Variants in CDH23 observed in about 807,000 individuals in gnomAD.
The protein encoded by CDH23 is cadherin related 23, also known as cadherin-23.
CDH23 carries 189 observed loss-of-function variants against 317.1 expected under a neutral mutation model. The ratio of observed to expected loss-of-function variants is 0.60; its 90% CI spans 0.53 to 0.67. CDH23 has a LOEUF of 0.67. Ranked by LOEUF, CDH23 falls within the 30% of genes least tolerant of loss-of-function variation. The pLI is 0.00. For missense variants in CDH23, 4,401 were observed against 4,592.4 expected, an observed-to-expected ratio of 0.96 and a Z score of 1.20; for synonymous variants, 1,839 against 1,876.8, an observed-to-expected ratio of 0.98 and a Z score of 0.52.
At chr10:71,724,231 G>T in intron 29 of CDH23, 126 bp downstream of exon 29, 1 of 943,512 alleles carries the variant, frequency 1.1e-6, no homozygotes, top group Non-Finnish European at 1.6e-6. Flanking sequence ...CATGGGGCGA[G>T]GCCAGAGGGA....
chr10:71,768,235 A>G (rs566270362), intron 38 of CDH23, among the ~76,000 whole-genome samples: 1 of 152,138 alleles, frequency 6.6e-6, no homozygotes, highest in African/African-American at 2.4e-5. Context: ...CAGTGGTGCA[A>G]TCTCAGCTCA....
At chr10:71,519,774 T>A (rs1419488852) in intron 6 of CDH23, among the ~76,000 whole-genome samples, 1 of 152,044 alleles carries the variant, frequency 6.6e-6, no homozygotes, top group Non-Finnish European at 1.5e-5. Context: ...TTTTTTCTTT[T>A]CTTTTTCTTT....
rs764244626 is a variant in CDH23 at position 71,677,594 on chromosome 10, G to T, written c.1653G>T (p.Val551=). 1.2e-6 allele frequency: 2 copies of T among 1,608,438 alleles called. No individual in the cohort carries two copies. Among genetic ancestry groups the T allele is most frequent in the Non-Finnish European group, 1.7e-6 (2 of 1,177,782 alleles). The part of the protein sequence containing the change: ...EETTGRVRIN[V]LDVNDNVPTF... ...CCACAGGCCGGGTCAGGATCAATGT[G>T]TTGGATGTCAACGACAACGTGCCCA... The change falls in exon 16 of 70, where the codon GTG becomes GTT. Residue 551 remains valine (V), a synonymous_variant. Transcript: ENST00000224721.
rs1866454649 is a variant in CDH23, at chr10:71,719,635, C to G, written c.3370-4410C>G. 2 of 152,944 alleles carry G rather than the reference C, an allele frequency of 1.3e-5. 1 individual carries two copies. The highest frequency in any genetic ancestry group is 4.1e-4 in the South Asian group (2 of 4,842). The allele number at this position is 152,944 out of a possible 1,614,324, so 9.5% of individuals were successfully genotyped here. A position where few individuals can be genotyped will look rare whatever the true frequency, so the allele number is the denominator to read the frequency against. On this transcript the variant is annotated intron_variant, in intron 28 of 69. Coordinates refer to ENST00000224721, the MANE Select transcript of CDH23 (RefSeq NM_022124.6). The stretch of plus-strand genomic sequence containing the variant: ...GTCCCCCAAGCACTGACCTCAGAGC[C>G]AGACCCCAGCCGTCCGGAGCTCCGT...
chr10:71,732,735 CCTT>C (rs1201055347), intron 32 of CDH23: 3 of 1,154,042 alleles, frequency 2.6e-6, no homozygotes, highest in Non-Finnish European at 3.2e-6. Context: ...AGGCTGGTAT[CCTT>C]CTGTTTTTCC....
chr10:71,483,474 A>C (rs1289228811), intron 3 of CDH23, among the ~76,000 whole-genome samples: 2 of 151,872 alleles, frequency 1.3e-5, no homozygotes, highest in Non-Finnish European at 2.9e-5. Context: ...CTTGCTCCTC[A>C]CTTTGCCAGT....
intron 3 of CDH23, among the ~76,000 whole-genome samples, chr10:71,455,842 T>C (rs1850669102): frequency 6.6e-6 from 1 of 152,182 alleles, no homozygotes. Flanking sequence ...GTGACCACTT[T>C]GTTAGACAAA....
intron 9 of CDH23, 33 bp downstream of exon 9, chr10:71,578,025 C>A (rs1217583889): frequency 6.4e-7 from 1 of 1,553,308 alleles, no homozygotes; most frequent in South Asian, 1.2e-5. Context: ...TCTCCTCTCA[C>A]CCCTCTGTCC....
At chr10:71,736,203 A>C (rs1240839582) in intron 34 of CDH23, among the ~76,000 whole-genome samples, 1 of 152,204 alleles carries the variant, frequency 6.6e-6, no homozygotes, top group Non-Finnish European at 1.5e-5. Context: ...TCCGGTTAGC[A>C]GGGCCCACCC....
At chr10:71,434,218 C>G (rs796193185) in intron 1 of CDH23, among the ~76,000 whole-genome samples, 3 of 152,346 alleles carry the variant, frequency 2.0e-5, no homozygotes, top group Admixed American at 2.0e-4. Flanking sequence ...TGTCACCTCC[C>G]CAGTGACCCT....
chr10:71,717,681 T>A (rs998396489), intron 28 of CDH23: 6 of 152,146 alleles, frequency 3.9e-5, no homozygotes, highest in Non-Finnish European at 5.9e-5. Context: ...CTCAAGGAAG[T>A]GGAGGGGCCT....
At chr10:71,639,518 G>A (rs1862434261) in intron 11 of CDH23, among the ~76,000 whole-genome samples, 2 of 152,322 alleles carry the variant, frequency 1.3e-5, no homozygotes, top group South Asian at 4.1e-4. Context: ...CGCACTTGGA[G>A]CAGCGTTCTG....
chr10:71,479,037 G>C (rs1851934733), intron 3 of CDH23, among the ~76,000 whole-genome samples: 2 of 152,122 alleles, frequency 1.3e-5, no homozygotes, highest in Non-Finnish European at 2.9e-5. Flanking sequence ...TTCAAGGAGG[G>C]GACTTCCACG....
In CDH23 at chr10:71,797,109, G is replaced by C. The variant is rs727504694; in HGVS notation, c.6718G>C (p.Val2240Leu). Reference protein sequence around the residue: ...AFAVNINTGSVMVKSPMNREL... With the variant: ...AFAVNINTGSLMVKSPMNREL... ...TGGCCTGGTCTGGTCCACAGGATCT[G>C]TAATGGTGAAGTCCCCCATGAATCG... The change falls in exon 49 of 70, where the codon GTA becomes CTA. Residue 2240 changes from valine to leucine, a missense_variant. Coordinates refer to ENST00000224721, the MANE Select transcript of CDH23 (RefSeq NM_022124.6). 1.2e-6 allele frequency: 2 copies of C among 1,609,744 alleles called. No homozygotes were observed. Among genetic ancestry groups the C allele is most frequent in the East Asian group, 2.2e-5 (1 of 44,844 alleles).
chr10:71,578,731 T>C (rs1010852469), intron 9 of CDH23, among the ~76,000 whole-genome samples: 49 of 152,080 alleles, frequency 3.2e-4, no homozygotes, highest in Middle Eastern at 3.2e-3. Context: ...CCCCCATACA[T>C]GCCATACACA....
chr10:71,798,452 A>G lies in CDH23; in HGVS notation c.6928A>G (p.Thr2310Ala), dbSNP rs1359579730. ...CATGGAGCGGATCCTGGAGGGGGCC[A>G]CCCCTGGGACCACACTCATTGCTGT... ...YYMERILEGA[T>A]PGTTLIAVAA... The change falls in exon 50 of 70, where the codon ACC becomes GCC. Residue 2310 changes from threonine (T) to alanine (A), a missense_variant. Physicochemically the swap from Thr to Ala is moderately conservative, Grantham distance 58. This residue lies in a region of CDH23 where 3,068 missense variants were observed against 3,203.3 expected (regional missense o/e 0.96). Coordinates refer to ENST00000224721, the MANE Select transcript of CDH23 (RefSeq NM_022124.6). 1.9e-6 allele frequency: 3 copies of G among 1,613,744 alleles called. No individual in the cohort carries two copies. The highest frequency in any genetic ancestry group is 3.3e-5 in the Admixed American group (2 of 60,002).
At chr10:71,799,055 A>G in intron 50 of CDH23, 56 bp from the exon 51 acceptor site, 2 of 1,527,638 alleles carry the variant, frequency 1.3e-6, no homozygotes, top group Non-Finnish European at 9.0e-7. Flanking sequence ...CATACTTTGG[A>G]GAGCTGCCAT....
intron 41 of CDH23, among the ~76,000 whole-genome samples, chr10:71,780,970 C>T (rs1455891182): frequency 1.3e-5 from 2 of 152,138 alleles, no homozygotes; most frequent in Non-Finnish European, 2.9e-5. Context: ...GCGTGAGCAA[C>T]CCAAAAGATG....
rs543394829 is a variant in CDH23, at chr10:71,419,877, G to C, written c.-5-19950G>C. Among the ~76,000 whole-genome samples the C allele has an allele frequency of 2.0e-5, 3 of 152,280 alleles. No individual in the cohort carries two copies. The East Asian group carries it at 5.8e-4, about 29-fold the overall frequency. Reference sequence around the variant, plus strand: ...TGTTTAGGGGAGAGTGGGCCAAGAAGGGGAGCAGGTGATGTCACCAGGGGT... The same window carrying C: ...TGTTTAGGGGAGAGTGGGCCAAGAACGGGAGCAGGTGATGTCACCAGGGGT... On this transcript the variant is annotated intron_variant, in intron 1 of 69. Coordinates refer to ENST00000224721, the MANE Select transcript of CDH23 (RefSeq NM_022124.6).
Sources: allele counts gnomAD v4.1 joint callset (sites outside exome capture counted in the v4.1 genomes callset), GRCh38; gene constraint gnomAD v4.1.1; regional missense constraint gnomAD v4.1.1; transcripts MANE v1.5; gene names NCBI Gene and HGNC (gene_info 2026-07-23, HGNC 2026-07-21).